CD58: variants seen among roughly 807,000 people sequenced by gnomAD.
CD58 encodes the protein CD58 molecule, also known as lymphocyte function-associated antigen 3.
A neutral mutation model predicts 27.6 loss-of-function variants in CD58; 14 were observed. That is an observed-to-expected ratio of 0.51 (90% CI 0.34 to 0.79). CD58 has a LOEUF of 0.79. Among genes scored for constraint, CD58 ranks in the 30% least tolerant of loss-of-function variants. The pLI is 0.02. For synonymous variants in CD58, 117 were observed against 103.8 expected (o/e 1.13, Z -0.77); for missense variants, 268 against 301.7 (o/e 0.89, Z 0.83).
rs61092038 is a variant in CD58 at position 116,522,891 on chromosome 1, G to GTCGCACTAAGTCATGTGCCTATAT, written c.629-909_629-908insATATAGGCACATGACTTAGTGCGA. 6.2e-3 allele frequency among the ~76,000 whole-genome samples: 946 copies of GTCGCACTAAGTCATGTGCCTATAT among 152,276 alleles called. 10 individuals carry two copies. Among genetic ancestry groups the GTCGCACTAAGTCATGTGCCTATAT allele is most frequent in the African/African-American group, 0.022 (901 of 41,548 alleles). ...CATTGCACTAAGTCATGTGCCTATAGTCTCACTAAGTCATTACAATGTTGG... is the reference window on the plus strand; with the variant it reads ...CATTGCACTAAGTCATGTGCCTATAGTCGCACTAAGTCATGTGCCTATATTCTCACTAAGTCATTACAATGTTGG... On this transcript the variant is annotated intron_variant, in intron 3 of 5. Transcript: ENST00000369489. The surrounding 1 kb of genome is among the most constrained non-coding windows in gnomAD (Gnocchi z 4.6).
At chr1:116,547,532 T>TGC (rs1658228246) in intron 1 of CD58, among the ~76,000 whole-genome samples, 1 of 151,998 alleles carries the variant, frequency 6.6e-6, no homozygotes, top group African/African-American at 2.4e-5. Context: ...GGTTTCACCA[T>TGC]GTTAGCCAGG....
In CD58 at chr1:116,570,924, C is replaced by G. The variant is rs1659120380; in HGVS notation, c.49G>C (p.Val17Leu). 1 of 1,568,696 alleles carries G rather than the reference C, an allele frequency of 6.4e-7. No homozygotes were observed. The highest frequency in any genetic ancestry group is 2.3e-5 in the East Asian group (1 of 42,926). ...TCACCAAAGCAGTGCAGCAGGCAGA[C>G]CACGCTGAGGACCCCCAGGGCCCGC... ...AGRALGVLSVVCLLHCFGFIS... is the reference protein window; with the variant it reads ...AGRALGVLSVLCLLHCFGFIS... The change falls in exon 1 of 6, where the codon GTC (valine) becomes CTC (leucine). Residue 17 changes from valine (V) to leucine (L), a missense_variant. By Grantham distance (32) the Val-to-Leu change is conservative (BLOSUM62 1). Transcript: ENST00000369489. The surrounding 1 kb of genome is among the most constrained non-coding windows in gnomAD (Gnocchi z 6.4).
rs1034919 is a variant in CD58 at position 116,532,883 on chromosome 1, G to C, written c.628+3082C>G. 0.18 allele frequency: 134,905 copies of C among 745,596 alleles called. 18,533 individuals carry two copies. Among genetic ancestry groups the C allele is most frequent in the East Asian group, 0.58 (19,720 of 33,814 alleles). The allele number at this position is 745,596 out of a possible 1,614,324, so 46.2% of individuals were successfully genotyped here. ...CATGCGGCAAAGACTGAGGCCTCCC[G>C]CTACAGGCCCGGAGTCGCGACAGCC... On this transcript the variant is annotated intron_variant, in intron 3 of 5. Transcript: ENST00000369489. This position sits in a 1 kb window ranked among gnomAD's most constrained non-coding sequence, Gnocchi z 5.1.
chr1:116,514,690 A>C lies in CD58; in HGVS notation c.*123T>G. 1 of 613,212 alleles carries C rather than the reference A, an allele frequency of 1.6e-6. No individual in the cohort carries two copies. The highest frequency in any genetic ancestry group is 3.0e-5 in the East Asian group (1 of 33,844). The allele number at this position is 613,212 out of a possible 1,614,324, so 38.0% of individuals were successfully genotyped here. On this transcript the variant is annotated 3_prime_UTR_variant, in exon 6 of 6. Transcript: ENST00000369489. Reference sequence around the variant, plus strand: ...GTTAGTGGGTATTTCTTCTTAAAGCAGCTGCTTCAAGTTACATTTCCAACA... The same window carrying C: ...GTTAGTGGGTATTTCTTCTTAAAGCCGCTGCTTCAAGTTACATTTCCAACA...
chr1:116,530,447 C>T (rs1195262251), intron 3 of CD58, among the ~76,000 whole-genome samples: 1 of 152,112 alleles, frequency 6.6e-6, no homozygotes, highest in Non-Finnish European at 1.5e-5. Flanking sequence ...CCTCGTGATC[C>T]ACCCGCCTCA....
At chr1:116,530,657 G>A (rs1425963798) in intron 3 of CD58, among the ~76,000 whole-genome samples, 1 of 152,080 alleles carries the variant, frequency 6.6e-6, no homozygotes, top group Non-Finnish European at 1.5e-5. Flanking sequence ...ATAAAGCATT[G>A]GAAAGTTTAG....
intron 1 of CD58, among the ~76,000 whole-genome samples, chr1:116,564,377 C>T (rs1361381218): frequency 6.6e-6 from 1 of 152,198 alleles, no homozygotes; most frequent in Non-Finnish European, 1.5e-5. Context: ...TGCCTGTTAC[C>T]CAGTTCCAAA....
Position 116,514,734 on chromosome 1 carries a change from T to C in CD58, c.*79A>G, listed in dbSNP as rs79050836. 3.1e-4 allele frequency: 278 copies of C among 897,918 alleles called. No homozygotes were observed. The East Asian group carries it at 7.1e-3, about 23-fold the overall frequency. 55.6% of individuals were successfully genotyped at this position (897,918 alleles called of 1,614,324 possible). ...TCCAACAGTTGTTCAAAAATTGTAATACTCAAATGAGAAATCAGATGGCTT... is the reference window on the plus strand; with the variant it reads ...TCCAACAGTTGTTCAAAAATTGTAACACTCAAATGAGAAATCAGATGGCTT... On this transcript the variant is annotated 3_prime_UTR_variant, in exon 6 of 6. Transcript: ENST00000369489.
At chr1:116,526,464 G>T (rs912894930) in intron 3 of CD58, among the ~76,000 whole-genome samples, 1 of 152,110 alleles carries the variant, frequency 6.6e-6, no homozygotes, top group African/African-American at 2.4e-5. Flanking sequence ...CCATTGTATT[G>T]CCTTTGCTCC....
In CD58 at chr1:116,531,725, T is replaced by C. The variant is rs1657616076; in HGVS notation, c.628+4240A>G. 1.3e-5 allele frequency among the ~76,000 whole-genome samples: 2 copies of C among 152,244 alleles called. No homozygotes were observed. The highest frequency in any genetic ancestry group is 2.9e-5 in the Non-Finnish European group (2 of 68,050). On this transcript the variant is annotated intron_variant, in intron 3 of 5. Transcript: ENST00000369489. This position sits in a 1 kb window ranked among gnomAD's most constrained non-coding sequence, Gnocchi z 4.5. ...AAAAATCAAATCTATCAGTTATAAA[T>C]TGGGACTCATTTGCACTTTTTCTTT...
chr1:116,539,281 T>C (rs1397568104), intron 2 of CD58, among the ~76,000 whole-genome samples: 3 of 151,464 alleles, frequency 2.0e-5, no homozygotes, highest in Non-Finnish European at 2.9e-5. Flanking sequence ...TGAGTAGGAG[T>C]TGGGAGGTTT....
chr1:116,519,117 A>G lies in CD58; in HGVS notation c.743+114T>C. ...AGTATATCTGCTGATGTTACTTCTT[A>G]TTACTGTACAAGGCAACCAACAGAT... On this transcript the variant is annotated intron_variant, in intron 5 of 5. Coordinates refer to ENST00000369489, the MANE Select transcript of CD58 (RefSeq NM_001779.3). The surrounding 1 kb of genome is among the most constrained non-coding windows in gnomAD (Gnocchi z 4.7). The G allele has an allele frequency of 6.5e-7, 1 of 1,545,868 alleles. No homozygotes were observed. Among genetic ancestry groups the G allele is most frequent in the African/African-American group, 1.4e-5 (1 of 73,350 alleles).
At chr1:116,537,355 A>G in intron 2 of CD58, among the ~76,000 whole-genome samples, 1 of 152,334 alleles carries the variant, frequency 6.6e-6, no homozygotes, top group East Asian at 1.9e-4. Flanking sequence ...CAGAGGAAAT[A>G]CTTTGTATTA....
chr1:116,553,851 G>C (rs1234883935), intron 1 of CD58, among the ~76,000 whole-genome samples: 1 of 152,002 alleles, frequency 6.6e-6, no homozygotes, highest in Non-Finnish European at 1.5e-5. Context: ...GGCTAGAGGG[G>C]AAAACACTGG....
chr1:116,549,460 T>A (rs1658313700), intron 1 of CD58, among the ~76,000 whole-genome samples: 1 of 152,146 alleles, frequency 6.6e-6, no homozygotes, highest in Non-Finnish European at 1.5e-5. Flanking sequence ...TAAGCCGAGC[T>A]GCATACACAA....
intron 3 of CD58, chr1:116,533,406 T>C (rs1237913798): frequency 1.2e-6 from 1 of 822,036 alleles, no homozygotes; most frequent in East Asian, 2.5e-5. Flanking sequence ...TGGTTCTGAT[T>C]TCATCTTGCA....
Position 116,559,106 on chromosome 1 carries a change from G to C in CD58, c.70+11797C>G, listed in dbSNP as rs1249502396. Reference sequence around the variant, plus strand: ...GTGCTATAGAGAAAAATAAAGCAGAGTGTGGGGGCTGAGGAGTACTGGTAA... The same window carrying C: ...GTGCTATAGAGAAAAATAAAGCAGACTGTGGGGGCTGAGGAGTACTGGTAA... On this transcript the variant is annotated intron_variant, in intron 1 of 5. Transcript: ENST00000369489. This position sits in a 1 kb window ranked among gnomAD's most constrained non-coding sequence, Gnocchi z 4.4. 2.0e-5 allele frequency among the ~76,000 whole-genome samples: 3 copies of C among 152,158 alleles called. No homozygotes were observed. Among genetic ancestry groups the C allele is most frequent in the East Asian group, 1.9e-4 (1 of 5,204 alleles).
chr1:116,524,067 G>A lies in CD58; in HGVS notation c.629-2084C>T, dbSNP rs1010752873. 5.3e-5 allele frequency among the ~76,000 whole-genome samples: 8 copies of A among 152,108 alleles called. No individual in the cohort carries two copies. The East Asian group carries it at 7.7e-4, about 15-fold the overall frequency. Reference sequence around the variant, plus strand: ...TCAGAGTGGCTCCTGAGTCCTGTTCGTACCATCATGTTAAGTCTTTTTGAT... The same window carrying A: ...TCAGAGTGGCTCCTGAGTCCTGTTCATACCATCATGTTAAGTCTTTTTGAT... On this transcript the variant is annotated intron_variant, in intron 3 of 5. Transcript: ENST00000369489. The surrounding 1 kb of genome is among the most constrained non-coding windows in gnomAD (Gnocchi z 4.6).
chr1:116,556,255 GAAAAA>G (rs1158092746), intron 1 of CD58, among the ~76,000 whole-genome samples: 6 of 29,826 alleles, frequency 2.0e-4, no homozygotes, highest in African/African-American at 3.0e-4. Context: ...CTCCATCTCA[GAAAAA>G]AAAAAAAAAA....
Sources: allele counts gnomAD v4.1 joint callset (sites outside exome capture counted in the v4.1 genomes callset), GRCh38; gene constraint gnomAD v4.1.1; non-coding constraint Gnocchi (gnomAD v3.1); transcripts MANE v1.5; gene names NCBI Gene and HGNC (gene_info 2026-07-23, HGNC 2026-07-21).